TJP1: variants seen among roughly 807,000 people sequenced by gnomAD.
TJP1 encodes the protein tight junction protein ZO-1.
A neutral mutation model predicts 194.2 loss-of-function variants in TJP1; 43 were observed. The observed-to-expected ratio is 0.22, with a 90% CI of 0.17 to 0.29. The LOEUF is 0.29. Ranked by LOEUF, TJP1 falls within the 10% of genes least tolerant of loss-of-function variation. The pLI is 1.00. For synonymous variants in TJP1, 801 were observed against 779.0 expected (o/e 1.03, Z -0.47); for missense variants, 1,971 against 2,185.7 (o/e 0.90, Z 1.96).
chr15:29,897,980 T>C (rs774916741), intron 2 of TJP1, among the ~76,000 whole-genome samples: 32 of 152,202 alleles, frequency 2.1e-4, no homozygotes, highest in Admixed American at 1.1e-3. Flanking sequence ...TTTGAGTTAA[T>C]GCTGAAATGA....
intron 4 of TJP1, among the ~76,000 whole-genome samples, chr15:29,770,713 A>C (rs1007365509): frequency 3.3e-5 from 5 of 151,724 alleles, no homozygotes; most frequent in South Asian, 2.1e-4. Context: ...AAAAGAACCC[A>C]AAAAATTTTA....
At chr15:29,721,353 GTTT>G (rs1028621874) in intron 18 of TJP1, among the ~76,000 whole-genome samples, 5 of 152,024 alleles carry the variant, frequency 3.3e-5, no homozygotes, top group Non-Finnish European at 5.9e-5. Flanking sequence ...CCCAAGATCT[GTTT>G]TTTTAAGTGT....
At chr15:29,730,439 A>G (rs2043551197) in intron 15 of TJP1, among the ~76,000 whole-genome samples, 1 of 151,638 alleles carries the variant, frequency 6.6e-6, no homozygotes, top group Admixed American at 6.6e-5. Flanking sequence ...TAATAATAAT[A>G]ATAATAAACT....
intron 4 of TJP1, among the ~76,000 whole-genome samples, chr15:29,766,901 T>C (rs2046365306): frequency 6.6e-6 from 1 of 152,208 alleles, no homozygotes; most frequent in African/African-American, 2.4e-5. Context: ...CCATCAAATA[T>C]ACTCTAGGTG....
chr15:29,844,940 A>G (rs2051354934), intron 2 of TJP1, among the ~76,000 whole-genome samples: 1 of 152,192 alleles, frequency 6.6e-6, no homozygotes, highest in Admixed American at 6.5e-5. Context: ...GTTTGGGAGA[A>G]GTGGCAATGG....
chr15:29,872,924 A>G (rs1296301880), intron 2 of TJP1, among the ~76,000 whole-genome samples: 1 of 152,224 alleles, frequency 6.6e-6, no homozygotes, highest in Non-Finnish European at 1.5e-5. Context: ...TTCCAGAGAT[A>G]CGCATGGGAA....
At chr15:29,763,425 T>C (rs1595803498) in intron 5 of TJP1, among the ~76,000 whole-genome samples, 1 of 152,318 alleles carries the variant, frequency 6.6e-6, no homozygotes, top group South Asian at 2.1e-4. Flanking sequence ...AACAGAAAAC[T>C]GTTTTAACAT....
Position 29,956,370 on chromosome 15 carries a change from A to G in TJP1, c.174-6T>C, listed in dbSNP as rs751693285. The G allele has an allele frequency of 1.3e-5, 17 of 1,284,606 alleles. 1 individual carries two copies. The highest frequency in any genetic ancestry group is 2.1e-4 in the Middle Eastern group (1 of 4,666). The allele number at this position is 1,284,606 out of a possible 1,614,324, so 79.6% of individuals were successfully genotyped here. On this transcript the variant is annotated splice_region_variant and splice_polypyrimidine_tract_variant and intron_variant, in intron 1 of 28. Coordinates refer to the TJP1 transcript ENST00000356107. ...TTTCAGAGGATGGCGTTACCCTGCA[A>G]GAAAGAAAAAAATTCTTAAAAAGGC...
intron 2 of TJP1, among the ~76,000 whole-genome samples, chr15:29,782,049 A>G (rs1269790441): frequency 6.6e-6 from 1 of 152,224 alleles, no homozygotes; most frequent in Non-Finnish European, 1.5e-5. Context: ...TGCAGATGAC[A>G]TGATTCTGTA....
chr15:29,700,522 C>T lies in TJP1; in HGVS notation c.*1073G>A, dbSNP rs574311148. The T allele has an allele frequency of 1.5e-5, 6 of 398,604 alleles. No homozygotes were observed. The highest frequency in any genetic ancestry group is 2.2e-5 in the Non-Finnish European group (5 of 225,990). 24.7% of individuals were successfully genotyped at this position (398,604 alleles called of 1,614,324 possible). ...GCTGCAGAGGTCAAAGTTCAAGGCTCAAGAGGTACAGGAGAGAATACAAAG... is the reference window on the plus strand; with the variant it reads ...GCTGCAGAGGTCAAAGTTCAAGGCTTAAGAGGTACAGGAGAGAATACAAAG... On this transcript the variant is annotated 3_prime_UTR_variant, in exon 28 of 28. Coordinates refer to ENST00000614355, the MANE Select transcript of TJP1 (RefSeq NM_001330239.4).
Position 29,718,060 on chromosome 15 carries a change from G to T in TJP1, c.3935C>A (p.Ser1312Tyr), listed in dbSNP as rs768009248. ...GAPIIGPKPTSQNQFSEHDKT... is the reference protein window; with the variant it reads ...GAPIIGPKPTYQNQFSEHDKT... ...GTCATGTTCACTGAATTGATTCTGAGAAGTGGGTTTGGGACCAATGATGGG... is the reference window on the plus strand; with the variant it reads ...GTCATGTTCACTGAATTGATTCTGATAAGTGGGTTTGGGACCAATGATGGG... Residue 1312 changes from serine (S) to tyrosine (Y), a missense_variant, in exon 22 of 28, where the codon TCT (serine) becomes TAT (tyrosine). Physicochemically the swap from Ser to Tyr is moderately radical, Grantham distance 144. Around this residue, in one of 5 missense-constraint regions of TJP1, gnomAD observed 1,108 missense variants for 1,128.5 expected, o/e 0.98. Transcript: ENST00000614355. The T allele has an allele frequency of 5.0e-6, 8 of 1,611,604 alleles. No individual in the cohort carries two copies. The highest frequency in any genetic ancestry group is 5.9e-6 in the Non-Finnish European group (7 of 1,179,692).
intron 8 of TJP1, among the ~76,000 whole-genome samples, chr15:29,746,669 A>C (rs2044805616): frequency 6.6e-6 from 1 of 152,042 alleles, no homozygotes; most frequent in Non-Finnish European, 1.5e-5. Context: ...GATTGAAAAA[A>C]TATATTTAAA....
At chr15:29,704,932 G>C (rs552928986) in intron 26 of TJP1, among the ~76,000 whole-genome samples, 1 of 152,274 alleles carries the variant, frequency 6.6e-6, no homozygotes, top group Non-Finnish European at 1.5e-5. Flanking sequence ...AATTTGTTTA[G>C]GAAGTAAAAG....
intron 2 of TJP1, among the ~76,000 whole-genome samples, chr15:29,852,843 G>GCC (rs2051696650): frequency 6.6e-6 from 1 of 151,914 alleles, no homozygotes; most frequent in Non-Finnish European, 1.5e-5. Flanking sequence ...GGCGGAGGTT[G>GCC]CAGTGAGCCG....
upstream of TJP1, chr15:29,822,561 GCCGCGGCGGGGGAGGGGGCGGGA>G (rs1567105244): frequency 2.5e-6 from 2 of 791,992 alleles, no homozygotes; most frequent in Non-Finnish European, 3.1e-6. Flanking sequence ...AGGGGGCGGG[GCCGCGGCGGGGGAGGGGGCGGGA>G]CGAGCGGCCG....
intron 2 of TJP1, among the ~76,000 whole-genome samples, chr15:29,784,246 C>A (rs1452071936): frequency 6.6e-6 from 1 of 151,870 alleles, no homozygotes; most frequent in African/African-American, 2.4e-5. Context: ...AGGACTAATA[C>A]CAAAAATATA....
intron 8 of TJP1, among the ~76,000 whole-genome samples, chr15:29,750,834 AGTTTAG>A (rs1467425454): frequency 6.6e-6 from 1 of 152,232 alleles, no homozygotes; most frequent in Non-Finnish European, 1.5e-5. Context: ...AGAACACCAC[AGTTTAG>A]GTTGAAAACA....
chr15:29,920,071 G>T (rs1567197078), intron 2 of TJP1, among the ~76,000 whole-genome samples: 1 of 152,170 alleles, frequency 6.6e-6, no homozygotes, highest in African/African-American at 2.4e-5. Context: ...AAGAGAGGCA[G>T]AACAGGTACC....
At chr15:29,950,949 A>G (rs2055727499) in intron 2 of TJP1, among the ~76,000 whole-genome samples, 1 of 152,088 alleles carries the variant, frequency 6.6e-6, no homozygotes, top group Admixed American at 6.6e-5. Flanking sequence ...AGTTGTTATG[A>G]GGAGGAAATA....
Sources: allele counts gnomAD v4.1 joint callset (sites outside exome capture counted in the v4.1 genomes callset), GRCh38; gene constraint gnomAD v4.1.1; regional missense constraint gnomAD v4.1.1; transcripts MANE v1.5; gene names NCBI Gene and HGNC (gene_info 2026-07-23, HGNC 2026-07-21).